Variants in HK2 observed in about 807,000 individuals in gnomAD.
HK2 encodes hexokinase 2, also known as hexokinase-2.
A neutral mutation model predicts 92.9 loss-of-function variants in HK2; 42 were observed. The observed-to-expected ratio is 0.45, with a 90% CI of 0.35 to 0.58. HK2 has a LOEUF of 0.58. HK2 is among the 20% of genes least tolerant of loss of function. HK2 has a pLI of 0.00. For synonymous variants in HK2, 422 were observed against 468.0 expected, an observed-to-expected ratio of 0.90 and a Z score of 1.27; for missense variants, 978 against 1,245.1, an observed-to-expected ratio of 0.79 and a Z score of 3.23.
intron 8 of HK2, 92 bp from the exon 9 acceptor site, chr2:74,878,596 T>A (rs887350790): frequency 1.2e-5 from 12 of 988,582 alleles, no homozygotes; most frequent in Admixed American, 4.0e-5. Context: ...GTGAATTTGC[T>A]GGAACTAAAG....
At chr2:74,861,933 G>A (rs950572334) in intron 2 of HK2, among the ~76,000 whole-genome samples, 1 of 152,188 alleles carries the variant, frequency 6.6e-6, no homozygotes, top group Non-Finnish European at 1.5e-5. Flanking sequence ...TCGATCATTT[G>A]ACTCTTCTTC....
intron 2 of HK2, among the ~76,000 whole-genome samples, chr2:74,861,420 A>G (rs1339738556): frequency 6.6e-6 from 1 of 152,156 alleles, no homozygotes; most frequent in African/African-American, 2.4e-5. Context: ...ACTCCGAAAA[A>G]AAAAAAAAGG....
At chr2:74,876,636 T>C (rs1346280426) in intron 7 of HK2, among the ~76,000 whole-genome samples, 1 of 152,146 alleles carries the variant, frequency 6.6e-6, no homozygotes, top group Non-Finnish European at 1.5e-5. Context: ...CCAACCTGCC[T>C]TTATAATGTT....
At chr2:74,851,630 G>C (rs148379046) in intron 1 of HK2, among the ~76,000 whole-genome samples, 6 of 152,330 alleles carry the variant, frequency 3.9e-5, no homozygotes, top group African/African-American at 1.4e-4. Context: ...AGGAACTCCT[G>C]TGCCCTTTGC....
chr2:74,873,956 C>T lies in HK2; in HGVS notation c.691+13C>T, dbSNP rs773281721. 9.4e-6 allele frequency: 15 copies of T among 1,596,864 alleles called. No individual in the cohort carries two copies. Among genetic ancestry groups the T allele is most frequent in the Non-Finnish European group, 1.3e-5 (15 of 1,164,532 alleles). On this transcript the variant is annotated intron_variant, in intron 6 of 17. Coordinates refer to ENST00000290573, the MANE Select transcript of HK2 (RefSeq NM_000189.5). ...GGTCTCATTGTGGGTGAGTGAACAC[C>T]GTGCATGAAGGGCCCGTGCTGGCCA...
Position 74,890,999 on chromosome 2 carries a change from T to A in HK2, c.*58T>A, listed in dbSNP as rs1689664928. On this transcript the variant is annotated 3_prime_UTR_variant, in exon 18 of 18. Transcript: ENST00000290573. ...TCTCCTTCTTCCCTGTTTTAAATTA[T>A]AAGATGTCATCCCCTTGTGTCAGAG... The A allele has an allele frequency of 6.3e-7, 1 of 1,584,738 alleles. No homozygotes were observed. Among genetic ancestry groups the A allele is most frequent in the African/African-American group, 1.3e-5 (1 of 74,646 alleles).
intron 2 of HK2, 96 bp from the exon 3 acceptor site, chr2:74,867,540 C>T: frequency 7.1e-7 from 1 of 1,413,804 alleles, no homozygotes; most frequent in Non-Finnish European, 1.0e-6. Context: ...GCCCCTTACC[C>T]ACAGATATTC....
At position 74,878,065 on chromosome 2, in the gene HK2, G is replaced by T. The variant is rs139136672; in HGVS notation, c.1032-623G>T. Among the ~76,000 whole-genome samples the T allele has an allele frequency of 4.6e-5, 7 of 152,280 alleles. No individual in the cohort carries two copies. The East Asian group carries it at 9.7e-4, about 21-fold the overall frequency. On this transcript the variant is annotated intron_variant, in intron 8 of 17. Coordinates refer to ENST00000290573, the MANE Select transcript of HK2 (RefSeq NM_000189.5). ...ACTTGTTGCTATACCCCAAGGTGAT[G>T]CAAGTACCCCAAGGTGATGCAAGAT...
chr2:74,876,971 G>A (rs1689247863), intron 7 of HK2, among the ~76,000 whole-genome samples, 195 bp from the exon 8 acceptor site: 1 of 152,110 alleles, frequency 6.6e-6, no homozygotes, highest in African/African-American at 2.4e-5. Flanking sequence ...ATAGGTCAAG[G>A]CCCATCAGCC....
intron 2 of HK2, among the ~76,000 whole-genome samples, chr2:74,860,837 C>A (rs1688808196): frequency 6.6e-6 from 1 of 152,194 alleles, no homozygotes; most frequent in Non-Finnish European, 1.5e-5. Context: ...AATTGTTGAA[C>A]CATTTATACT....
At chr2:74,858,406 T>C (rs183654808) in intron 2 of HK2, among the ~76,000 whole-genome samples, 1 of 152,290 alleles carries the variant, frequency 6.6e-6, no homozygotes, top group Admixed American at 6.5e-5. Flanking sequence ...CAAATGGGTT[T>C]GAATTCAAGC....
intron 2 of HK2, among the ~76,000 whole-genome samples, chr2:74,859,721 G>T (rs1168255700): frequency 2.6e-5 from 4 of 152,194 alleles, no homozygotes; most frequent in Non-Finnish European, 4.4e-5. Flanking sequence ...ATACACTGTT[G>T]GTGGGAATGT....
intron 1 of HK2, among the ~76,000 whole-genome samples, chr2:74,841,489 G>A (rs987902727): frequency 1.3e-5 from 2 of 152,140 alleles, no homozygotes; most frequent in African/African-American, 4.8e-5. Flanking sequence ...TCAGTTTTCA[G>A]GTGTATTGCT....
chr2:74,842,851 G>A (rs981696452), intron 1 of HK2, among the ~76,000 whole-genome samples: 1 of 152,368 alleles, frequency 6.6e-6, no homozygotes, highest in East Asian at 1.9e-4. Context: ...GCATCCTTGC[G>A]ATGTCGCAGG....
chr2:74,847,257 T>C (rs528669556), intron 1 of HK2, among the ~76,000 whole-genome samples: 2 of 152,374 alleles, frequency 1.3e-5, no homozygotes, highest in South Asian at 4.1e-4. Context: ...ACACAAGTGA[T>C]GAACATTTGC....
intron 3 of HK2, among the ~76,000 whole-genome samples, chr2:74,870,659 A>G (rs369020876): frequency 6.6e-6 from 1 of 151,128 alleles, no homozygotes; most frequent in African/African-American, 2.4e-5. Flanking sequence ...TATACGTATC[A>G]TATAATTCAT....
intron 2 of HK2, among the ~76,000 whole-genome samples, chr2:74,861,188 G>A (rs919372689): frequency 2.6e-5 from 4 of 152,164 alleles, no homozygotes; most frequent in African/African-American, 9.7e-5. Flanking sequence ...AACACTTTGG[G>A]AGGCCAAGGT....
At chr2:74,881,483 T>C (rs1351046820) in intron 10 of HK2, among the ~76,000 whole-genome samples, 2 of 152,188 alleles carry the variant, frequency 1.3e-5, no homozygotes, top group African/African-American at 4.8e-5. Flanking sequence ...GTGTGAAGCA[T>C]GTGGCACACT....
chr2:74,856,901 T>G (rs886077550), intron 2 of HK2, among the ~76,000 whole-genome samples: 29 of 152,326 alleles, frequency 1.9e-4, no homozygotes, highest in African/African-American at 5.3e-4. Flanking sequence ...TAAAATTTTT[T>G]TGGAACGGAG....
Sources: allele counts gnomAD v4.1 joint callset (sites outside exome capture counted in the v4.1 genomes callset), GRCh38; gene constraint gnomAD v4.1.1; transcripts MANE v1.5; gene names NCBI Gene and HGNC (gene_info 2026-07-23, HGNC 2026-07-21).